RNF31: variants seen among roughly 807,000 people sequenced by gnomAD.
RNF31 encodes the protein ring finger protein 31, also known as E3 ubiquitin-protein ligase RNF31.
In RNF31, 38 loss-of-function variants were observed where a neutral mutation model predicts 133.6. The ratio of observed to expected loss-of-function variants is 0.28; its 90% CI spans 0.22 to 0.37. The LOEUF is 0.37. Ranked by LOEUF, RNF31 falls within the 10% of genes least tolerant of loss-of-function variation. The probability of loss-of-function intolerance (pLI) is 1.00; values close to 1 mark genes in which losing one functional copy is unlikely to be tolerated. For missense variants in RNF31, 1,118 were observed against 1,394.1 expected, an observed-to-expected ratio of 0.80 and a Z score of 3.15; for synonymous variants, 582 against 552.3, an observed-to-expected ratio of 1.05 and a Z score of -0.75.
chr14:24,148,748 G>A (rs529051299), intron 4 of RNF31, 47 bp downstream of exon 4: 10 of 1,613,432 alleles, frequency 6.2e-6, no homozygotes, highest in African/African-American at 2.7e-5. Flanking sequence ...AACAGGAATT[G>A]TGAGACTCTG....
At chr14:24,152,143 C>T (rs949307518) in intron 11 of RNF31, 151 bp downstream of exon 11, 5 of 707,374 alleles carry the variant, frequency 7.1e-6, no homozygotes, top group Non-Finnish European at 1.1e-5. Flanking sequence ...CAGGAACAGG[C>T]TTATCTCCTC....
At position 24,151,252 on chromosome 14, in the gene RNF31, A is replaced by T. The variant is rs202216826; in HGVS notation, c.1610A>T (p.Glu537Val). Residue 537 changes from glutamate to valine, a missense_variant, in exon 9 of 21, where the codon GAG becomes GTG. This residue lies in a region of RNF31 where 747 missense variants were observed against 827.9 expected (regional missense o/e 0.90). Transcript: ENST00000324103. The surrounding 1 kb of genome is among the most constrained non-coding windows in gnomAD (Gnocchi z 5.3). Reference protein sequence around the residue: ...ELPYVLEMVAELAGQQDPGLG... With the variant: ...ELPYVLEMVAVLAGQQDPGLG... ...CCCTACGTCCTGGAGATGGTGGCTG[A>T]GCTGGCTGGACAGCAGGACCCTGGG... 65 of 1,614,158 alleles carry T rather than the reference A, an allele frequency of 4.0e-5. No individual in the cohort carries two copies. The highest frequency in any genetic ancestry group is 8.5e-6 in the Non-Finnish European group (10 of 1,180,034).
chr14:24,160,039 T>C lies in RNF31; in HGVS notation c.2996+79T>C. ...GGGCATGCCCAGGCAGTAAAATGGG[T>C]CCTTGGGAGCAGTAGGTCTTGCAGT... On this transcript the variant is annotated intron_variant, in intron 19 of 20. Transcript: ENST00000324103. The surrounding 1 kb of genome is among the most constrained non-coding windows in gnomAD (Gnocchi z 4.0). The C allele has an allele frequency of 6.9e-7, 1 of 1,440,852 alleles. No individual in the cohort carries two copies. The highest frequency in any genetic ancestry group is 9.6e-7 in the Non-Finnish European group (1 of 1,038,864). The allele number at this position is 1,440,852 out of a possible 1,614,324, so 89.3% of individuals were successfully genotyped here.
intron 18 of RNF31, among the ~76,000 whole-genome samples, 175 bp downstream of exon 18, chr14:24,158,374 A>T (rs1025269285): frequency 6.6e-6 from 1 of 152,280 alleles, no homozygotes; most frequent in Non-Finnish European, 1.5e-5. Context: ...TCCACCTTGC[A>T]GCTAAGCCAT....
Position 24,157,386 on chromosome 14 carries a change from C to A in RNF31, c.2590C>A (p.Leu864Ile), listed in dbSNP as rs1381626738. ...EYQAQGLAMY[L>I]QENGIDCPKC... is the part of the protein sequence containing the mutation. ...CCAGGCCCAGGGCCTAGCAATGTAT[C>A]TTCAGGAAAACGGCATTGGTAAGGC... Residue 864 changes from leucine (L) to isoleucine (I), a missense_variant, in exon 15 of 21, where the codon CTT (leucine) becomes ATT (isoleucine). Physicochemically the swap from Leu to Ile is conservative, Grantham distance 5. Around this residue, in one of 3 missense-constraint regions of RNF31, gnomAD observed 201 missense variants for 371.7 expected, o/e 0.54. Transcript: ENST00000324103. 6.2e-7 allele frequency: 1 copy of A among 1,610,302 alleles called. No homozygotes were observed. The highest frequency in any genetic ancestry group is 1.7e-5 in the Admixed American group (1 of 59,850).
chr14:24,151,786 A>C lies in RNF31; in HGVS notation c.1924A>C (p.Ser642Arg). 6.2e-7 allele frequency: 1 copy of C among 1,608,278 alleles called. No homozygotes were observed. Among genetic ancestry groups the C allele is most frequent in the East Asian group, 2.2e-5 (1 of 44,802 alleles). Residue 642 changes from serine (S) to arginine (R), a missense_variant and splice_region_variant, in exon 11 of 21, where the codon AGC becomes CGC. Transcript: ENST00000324103. The surrounding 1 kb of genome is among the most constrained non-coding windows in gnomAD (Gnocchi z 5.3). ...CCCCTCCACCTGAATCATATTGCAG[A>C]GCCTGGTCAGGCGGCTTTTGGCAGT... ...TPSWDGPDKQSLVRRLLAVYA... is the reference protein window; with the variant it reads ...TPSWDGPDKQRLVRRLLAVYA...
rs2038321250 is a variant in RNF31 at position 24,155,048 on chromosome 14, C to T, written c.2131-109C>T. On this transcript the variant is annotated intron_variant, in intron 11 of 20. Coordinates refer to ENST00000324103, the MANE Select transcript of RNF31 (RefSeq NM_017999.5). The surrounding 1 kb of genome is among the most constrained non-coding windows in gnomAD (Gnocchi z 4.9). ...GGCACTTGAGGTTGTTAACCCTGCC[C>T]AGTTGTTAATTAGACCCTGATTTCT... 4.7e-6 allele frequency: 5 copies of T among 1,065,884 alleles called. No homozygotes were observed. The highest frequency in any genetic ancestry group is 1.5e-5 in the South Asian group (1 of 66,194). 66.0% of individuals were successfully genotyped at this position (1,065,884 alleles called of 1,614,324 possible). A position where few individuals can be genotyped will look rare whatever the true frequency, so the allele number is the denominator to read the frequency against.
rs746469954 is a variant in RNF31 at position 24,158,197 on chromosome 14, G to A, written c.2897G>A (p.Gly966Glu). 1 of 1,614,154 alleles carries A rather than the reference G, an allele frequency of 6.2e-7. No homozygotes were observed. The highest frequency in any genetic ancestry group is 1.7e-5 in the Admixed American group (1 of 60,036). Reference sequence around the variant, plus strand: ...CCAGCTGGGGCCCGGGCAGTCCCTGGAGGTGAGTGTTAGGACAAGCCTTTG... The same window carrying A: ...CCAGCTGGGGCCCGGGCAGTCCCTGAAGGTGAGTGTTAGGACAAGCCTTTG... ...EPPAGARAVPGGGCRVIEQKE... is the reference protein window; with the variant it reads ...EPPAGARAVPEGGCRVIEQKE... The change falls in exon 18 of 21, where the codon GGA (glycine) becomes GAA (glutamate). Residue 966 changes from glycine (G) to glutamate (E), a missense_variant and splice_region_variant. By Grantham distance (98) the Gly-to-Glu change is moderately conservative (BLOSUM62 -2). Transcript: ENST00000324103.
At position 24,157,323 on chromosome 14, in the gene RNF31, G is replaced by A. The variant is rs781438841; in HGVS notation, c.2527G>A (p.Asp843Asn). The change falls in exon 15 of 21, where the codon GAC (aspartate) becomes AAC (asparagine). Residue 843 changes from aspartate (D) to asparagine (N), a missense_variant. This residue lies in a region of RNF31 where 201 missense variants were observed against 371.7 expected (regional missense o/e 0.54). Transcript: ENST00000324103. The part of the protein sequence containing the change: ...EEQHRGRSCE[D>N]FQNWKRMNDP... ...GCAGCACCGAGGTCGGAGCTGTGAG[G>A]ACTTCCAGAACTGGAAACGCATGAA... 14 of 1,611,958 alleles carry A rather than the reference G, an allele frequency of 8.7e-6. No homozygotes were observed. The South Asian group carries it at 1.4e-4, about 16-fold the overall frequency.
At chr14:24,153,314 C>T (rs761053149) in intron 11 of RNF31, among the ~76,000 whole-genome samples, 54 of 152,180 alleles carry the variant, frequency 3.5e-4, no homozygotes, top group Non-Finnish European at 6.5e-4. Flanking sequence ...CATGGTGGCT[C>T]ACGCCTGTCA....
chr14:24,155,315 T>C lies in RNF31; in HGVS notation c.2289T>C (p.Ser763=). 1 of 1,614,168 alleles carries C rather than the reference T, an allele frequency of 6.2e-7. No individual in the cohort carries two copies. The highest frequency in any genetic ancestry group is 8.5e-7 in the Non-Finnish European group (1 of 1,179,986). The part of the protein sequence containing the change: ...TDDTQLLSYF[S]TLDIQLRESL... ...ACACACAGTTGCTCAGCTACTTCTCTACCCTTGACATCCAGGTACTGCAGC... is the reference window on the plus strand; with the variant it reads ...ACACACAGTTGCTCAGCTACTTCTCCACCCTTGACATCCAGGTACTGCAGC... Residue 763 remains serine (S), a synonymous_variant, in exon 12 of 21, where the codon TCT becomes TCC. Transcript: ENST00000324103. This position sits in a 1 kb window ranked among gnomAD's most constrained non-coding sequence, Gnocchi z 4.9.
chr14:24,147,380 T>A, upstream of RNF31: 1 of 256,810 alleles, frequency 3.9e-6, no homozygotes, highest in Non-Finnish European at 7.3e-6. Flanking sequence ...TGCCTTCTCA[T>A]TGGTTGGGAC....
rs2038428243 is a variant in RNF31 at position 24,160,378 on chromosome 14, C to T, written c.3136C>T (p.Pro1046Ser). 1 of 1,614,148 alleles carries T rather than the reference C, an allele frequency of 6.2e-7. No homozygotes were observed. Among genetic ancestry groups the T allele is most frequent in the Admixed American group, 1.7e-5 (1 of 60,016 alleles). ...VRPQPLAGED[P>S]PAYQARLLQK... ...CCCCCAGCCTTTGGCTGGAGAGGAT[C>T]CCCCTGCTTACCAGGCCCGCTTGTT... Residue 1046 changes from proline (P) to serine (S), a missense_variant, in exon 20 of 21, where the codon CCC becomes TCC. Coordinates refer to ENST00000324103, the MANE Select transcript of RNF31 (RefSeq NM_017999.5). This position sits in a 1 kb window ranked among gnomAD's most constrained non-coding sequence, Gnocchi z 4.0.
chr14:24,149,182 G>C (rs991988611), intron 5 of RNF31: 52 of 598,764 alleles, frequency 8.7e-5, no homozygotes, highest in Non-Finnish European at 1.3e-4. Context: ...AGGCTGGTCT[G>C]GAACTCCTGA....
chr14:24,160,025 G>T lies in RNF31; in HGVS notation c.2996+65G>T. ...GGTAGAAGTGGTGAGGGCATGCCCA[G>T]GCAGTAAAATGGGTCCTTGGGAGCA... On this transcript the variant is annotated intron_variant, in intron 19 of 20. Transcript: ENST00000324103. The surrounding 1 kb of genome is among the most constrained non-coding windows in gnomAD (Gnocchi z 4.0). The T allele has an allele frequency of 6.6e-7, 1 of 1,514,080 alleles. No homozygotes were observed. The highest frequency in any genetic ancestry group is 1.1e-5 in the South Asian group (1 of 88,248). 93.8% of individuals were successfully genotyped at this position (1,514,080 alleles called of 1,614,324 possible). A position where few individuals can be genotyped will look rare whatever the true frequency, so the allele number is the denominator to read the frequency against.
chr14:24,150,310 G>T lies in RNF31; in HGVS notation c.1059G>T (p.Arg353=). Residue 353 remains arginine, a synonymous_variant, in exon 7 of 21, where the codon CGG becomes CGT. Coordinates refer to ENST00000324103, the MANE Select transcript of RNF31 (RefSeq NM_017999.5). ...GGLEPDLARG[R]WACQSCTFEN... ...TAGAACCTGATCTTGCACGGGGTCG[G>T]TGGGCCTGCCAGAGCTGTACCTTTG... 6.2e-7 allele frequency: 1 copy of T among 1,614,198 alleles called. No individual in the cohort carries two copies. Among genetic ancestry groups the T allele is most frequent in the Non-Finnish European group, 8.5e-7 (1 of 1,180,040 alleles).
chr14:24,147,499 T>C lies in RNF31; in HGVS notation c.-200T>C, dbSNP rs2038185118. On this transcript the variant is annotated 5_prime_UTR_variant, in exon 1 of 21. Coordinates refer to ENST00000324103, the MANE Select transcript of RNF31 (RefSeq NM_017999.5). ...TGGGTCGCAGTCCCACCCTCTCTCCTAGTACTTCCTGTTCTCGGCTAACCC... is the reference window on the plus strand; with the variant it reads ...TGGGTCGCAGTCCCACCCTCTCTCCCAGTACTTCCTGTTCTCGGCTAACCC... 2.2e-6 allele frequency: 1 copy of C among 448,816 alleles called. No homozygotes were observed. The highest frequency in any genetic ancestry group is 3.8e-6 in the Non-Finnish European group (1 of 261,698). 27.8% of individuals were successfully genotyped at this position (448,816 alleles called of 1,614,324 possible).
chr14:24,155,063 C>A lies in RNF31; in HGVS notation c.2131-94C>A. The stretch of plus-strand genomic sequence containing the variant: ...TAACCCTGCCCAGTTGTTAATTAGA[C>A]CCTGATTTCTTAGTGGACACCTGGC... On this transcript the variant is annotated intron_variant, in intron 11 of 20. Coordinates refer to ENST00000324103, the MANE Select transcript of RNF31 (RefSeq NM_017999.5). This position sits in a 1 kb window ranked among gnomAD's most constrained non-coding sequence, Gnocchi z 4.9. 1.6e-6 allele frequency: 2 copies of A among 1,258,132 alleles called. No homozygotes were observed. The highest frequency in any genetic ancestry group is 1.1e-6 in the Non-Finnish European group (1 of 893,238). 77.9% of individuals were successfully genotyped at this position (1,258,132 alleles called of 1,614,324 possible).
In RNF31 at chr14:24,150,159, C is replaced by G. The variant is rs1440447828; in HGVS notation, c.908C>G (p.Pro303Arg). 1 of 1,614,050 alleles carries G rather than the reference C, an allele frequency of 6.2e-7. No homozygotes were observed. The highest frequency in any genetic ancestry group is 8.5e-7 in the Non-Finnish European group (1 of 1,179,926). The stretch of plus-strand genomic sequence containing the variant: ...CCTAATCCTGCAAGTGCTCATTTGC[C>G]CTGGCACTGTGCTGCCTGTGCCATG... Reference protein sequence around the residue: ...SSPNPASAHLPWHCAACAMLN... With the variant: ...SSPNPASAHLRWHCAACAMLN... Residue 303 changes from proline to arginine, a missense_variant, in exon 7 of 21, where the codon CCC becomes CGC. Transcript: ENST00000324103.
Sources: gnomAD v4.1 joint callset for allele counts (sites outside exome capture counted in the v4.1 genomes callset) on GRCh38, gnomAD v4.1.1 for gene constraint, gnomAD v4.1.1 regional missense constraint, Gnocchi (gnomAD v3.1) non-coding constraint, MANE v1.5 for transcripts, NCBI Gene and HGNC (gene_info 2026-07-23, HGNC 2026-07-21) for gene names.